The following CPEB3 variants were observed in gnomAD, a reference collection of about 807,000 sequenced individuals.
The protein encoded by CPEB3 is cytoplasmic polyadenylation element-binding protein 3.
Under a neutral mutation model 67.2 loss-of-function variants are expected in CPEB3, and 20 were observed. The observed-to-expected ratio is 0.30, with a 90% CI of 0.21 to 0.43. The LOEUF is 0.43. Ranked by LOEUF, CPEB3 falls within the 20% of genes least tolerant of loss-of-function variation. The pLI is 1.00. For synonymous variants in CPEB3, 376 were observed against 393.1 expected, an observed-to-expected ratio of 0.96 and a Z score of 0.51; for missense variants, 746 against 968.6, an observed-to-expected ratio of 0.77 and a Z score of 3.05.
intron 1 of CPEB3, among the ~76,000 whole-genome samples, chr10:92,289,523 C>T (rs1842699875): frequency 6.6e-6 from 1 of 151,600 alleles, no homozygotes; most frequent in South Asian, 2.1e-4. Flanking sequence ...GCCTGGGCAA[C>T]AGAGCAAGAC....
rs77397496 is a variant in CPEB3 at position 92,206,143 on chromosome 10, C to G, written c.1006-13507G>C. Among the ~76,000 whole-genome samples, 842 of 150,960 alleles carry G rather than the reference C, an allele frequency of 5.6e-3. 9 individuals are homozygous for G. Among genetic ancestry groups the G allele is most frequent in the African/African-American group, 0.02 (802 of 41,050 alleles). ...CTGGAGTGCAATGGCGCAATCTCGG[C>G]TCACCATAACCTCCACCTCCCGGGT... On this transcript the variant is annotated intron_variant, in intron 2 of 9. Coordinates refer to ENST00000265997, the MANE Select transcript of CPEB3 (RefSeq NM_014912.5).
At chr10:92,159,123 C>T (rs1847345641) in intron 4 of CPEB3, among the ~76,000 whole-genome samples, 2 of 149,554 alleles carry the variant, frequency 1.3e-5, no homozygotes. Context: ...ATTGGCCGGG[C>T]GCGGTGGCTC....
intron 2 of CPEB3, among the ~76,000 whole-genome samples, chr10:92,195,335 A>C (rs1220589741): frequency 6.6e-6 from 1 of 152,148 alleles, no homozygotes; most frequent in Non-Finnish European, 1.5e-5. Context: ...TTGGTTGTCT[A>C]CTTTGGTCTC....
intron 1 of CPEB3, among the ~76,000 whole-genome samples, chr10:92,241,672 T>C (rs1851857874): frequency 6.6e-6 from 1 of 152,190 alleles, no homozygotes; most frequent in African/African-American, 2.4e-5. Flanking sequence ...CCATACAGCC[T>C]GTTTTCTTAT....
At position 92,239,105 on chromosome 10, in the gene CPEB3, AAG is replaced by A. The variant is rs1030708643; in HGVS notation, c.1005+239_1005+240del. Among the ~76,000 whole-genome samples the A allele has an allele frequency of 6.6e-6, 1 of 152,164 alleles. No individual in the cohort carries two copies. The highest frequency in any genetic ancestry group is 6.6e-5 in the Admixed American group (1 of 15,258). On this transcript the variant is annotated intron_variant, in intron 2 of 9. Transcript: ENST00000265997. The surrounding 1 kb of genome is among the most constrained non-coding windows in gnomAD (Gnocchi z 6.0). ...CACCATGAAGGAGAAAATAAACTAA[AAG>A]AAAAAGGCTTCTTCTACCCTGAAGG... is the stretch of plus-strand genomic sequence containing the variant.
At chr10:92,070,206 A>C (rs1842702277) in intron 9 of CPEB3, among the ~76,000 whole-genome samples, 1 of 152,236 alleles carries the variant, frequency 6.6e-6, no homozygotes, top group Non-Finnish European at 1.5e-5. Context: ...AATTTGTGAA[A>C]AACTGCATAT....
chr10:92,160,764 A>G (rs144697534), intron 4 of CPEB3, among the ~76,000 whole-genome samples: 3 of 152,362 alleles, frequency 2.0e-5, no homozygotes, highest in African/African-American at 4.8e-5. Context: ...TGTTCACACA[A>G]GTCTTCAACC....
chr10:92,240,052 C>T lies in CPEB3; in HGVS notation c.299G>A (p.Gly100Asp). Residue 100 changes from glycine to aspartate, a missense_variant, in exon 2 of 10, where the codon GGC (glycine) becomes GAC (aspartate). Coordinates refer to ENST00000265997, the MANE Select transcript of CPEB3 (RefSeq NM_014912.5). Reference sequence around the variant, plus strand: ...GCCGAAGGACGGCGACAGCGACGCGCCCGGTGCCGCGGGCTCCTGAGGCGG... The same window carrying T: ...GCCGAAGGACGGCGACAGCGACGCGTCCGGTGCCGCGGGCTCCTGAGGCGG... ...PPPPQEPAAP[G>D]ASLSPSFGST... 6.3e-7 allele frequency: 1 copy of T among 1,594,596 alleles called. No homozygotes were observed. The highest frequency in any genetic ancestry group is 1.1e-5 in the South Asian group (1 of 88,852).
At chr10:92,109,744 C>T (rs1474351385) in intron 7 of CPEB3, among the ~76,000 whole-genome samples, 12 of 152,164 alleles carry the variant, frequency 7.9e-5, no homozygotes, top group Admixed American at 7.9e-4. Flanking sequence ...CTCTCAATAT[C>T]CCCATTCTTT....
chr10:92,201,519 C>T (rs561196109), intron 2 of CPEB3, among the ~76,000 whole-genome samples: 2 of 151,332 alleles, frequency 1.3e-5, no homozygotes, highest in African/African-American at 2.5e-5. Flanking sequence ...CAGAACAAGA[C>T]ACTGTCTCAG....
chr10:92,214,957 C>T (rs1474991094), intron 2 of CPEB3, among the ~76,000 whole-genome samples: 2 of 152,026 alleles, frequency 1.3e-5, no homozygotes, highest in Admixed American at 6.6e-5. Context: ...AAGTGATTCG[C>T]ATGCCTCAGC....
intron 6 of CPEB3, among the ~76,000 whole-genome samples, chr10:92,121,685 T>A (rs143378737): frequency 2.7e-5 from 4 of 146,662 alleles, no homozygotes; most frequent in Admixed American, 6.9e-5. Context: ...AAAAAAAAAA[T>A]TCAGCTTGTG....
At chr10:92,256,413 CAG>C (rs973574522) in intron 1 of CPEB3, among the ~76,000 whole-genome samples, 2 of 142,038 alleles carry the variant, frequency 1.4e-5, no homozygotes, top group Non-Finnish European at 3.0e-5. Flanking sequence ...TTTTTTGAAA[CAG>C]AGTCTCACTC....
chr10:92,240,987 T>C (rs1331323548), intron 1 of CPEB3, among the ~76,000 whole-genome samples: 1 of 152,202 alleles, frequency 6.6e-6, no homozygotes, highest in Admixed American at 6.5e-5. Flanking sequence ...TTAGAAGGAC[T>C]CAGCTGCACA....
chr10:92,180,974 A>G lies in CPEB3; in HGVS notation c.1211T>C (p.Met404Thr), dbSNP rs140308172. Residue 404 changes from methionine (M) to threonine (T), a missense_variant, in exon 4 of 10, where the codon ATG becomes ACG. By Grantham distance (81) the Met-to-Thr change is moderately conservative. Around this residue, in one of 2 missense-constraint regions of CPEB3, gnomAD observed 643 missense variants for 717.5 expected, o/e 0.90. Transcript: ENST00000265997. The stretch of plus-strand genomic sequence containing the variant: ...ATATGAAGACTTACTGTTAAGTGCC[A>G]TAATATTATCTGTTCCTGGATGATG... ...NFHHPGTDNI[M>T]ALNNAFLDDS... The G allele has an allele frequency of 6.7e-7, 1 of 1,488,710 alleles. No homozygotes were observed. Among genetic ancestry groups the G allele is most frequent in the South Asian group, 1.1e-5 (1 of 87,970 alleles). 92.2% of individuals were successfully genotyped at this position (1,488,710 alleles called of 1,614,324 possible). A position where few individuals can be genotyped will look rare whatever the true frequency, so the allele number is the denominator to read the frequency against.
At chr10:92,259,822 C>T (rs754442147) in intron 1 of CPEB3, among the ~76,000 whole-genome samples, 1 of 152,132 alleles carries the variant, frequency 6.6e-6, no homozygotes, top group Non-Finnish European at 1.5e-5. Flanking sequence ...GTGGCAAATA[C>T]TGTGTGCTTG....
chr10:92,201,795 T>C (rs1472572306), intron 2 of CPEB3, among the ~76,000 whole-genome samples: 1 of 152,160 alleles, frequency 6.6e-6, no homozygotes, highest in African/African-American at 2.4e-5. Flanking sequence ...ATTATTTTCT[T>C]CTTCCAGGTA....
intron 6 of CPEB3, among the ~76,000 whole-genome samples, chr10:92,124,764 T>C (rs1289384875): frequency 6.6e-6 from 1 of 152,236 alleles, no homozygotes; most frequent in East Asian, 1.9e-4. Context: ...CACTGACTTA[T>C]TTCCATTCAA....
chr10:92,199,131 C>A (rs1029823633), intron 2 of CPEB3, among the ~76,000 whole-genome samples: 15 of 152,216 alleles, frequency 9.9e-5, no homozygotes, highest in Non-Finnish European at 1.9e-4. Flanking sequence ...GTGGCTCACG[C>A]CTGTAATCCC....
Sources: gnomAD v4.1 joint callset for allele counts (sites outside exome capture counted in the v4.1 genomes callset) on GRCh38, gnomAD v4.1.1 for gene constraint, gnomAD v4.1.1 regional missense constraint, Gnocchi (gnomAD v3.1) non-coding constraint, MANE v1.5 for transcripts, NCBI Gene and HGNC (gene_info 2026-07-23, HGNC 2026-07-21) for gene names.